The following ATP2B2 variants were observed in gnomAD, a reference collection of about 807,000 sequenced individuals.
The protein encoded by ATP2B2 is plasma membrane calcium-transporting ATPase 2.
In ATP2B2, 15 loss-of-function variants were observed where a neutral mutation model predicts 120.0. The observed-to-expected ratio is 0.12, with a 90% confidence interval of 0.08 to 0.19. The LOEUF (loss-of-function observed/expected upper bound fraction) is 0.19, where lower values mean the gene tolerates loss of function less well. Among genes scored for constraint, ATP2B2 ranks in the 10% least tolerant of loss-of-function variants. The pLI is 1.00. For synonymous variants in ATP2B2, 694 were observed against 700.3 expected, an observed-to-expected ratio of 0.99 and a Z score of 0.14; for missense variants, 1,045 against 1,719.8, an observed-to-expected ratio of 0.61 and a Z score of 6.94.
At chr3:10,421,156 G>C (rs1190343624) in intron 2 of ATP2B2, among the ~76,000 whole-genome samples, 2 of 152,218 alleles carry the variant, frequency 1.3e-5, no homozygotes, top group African/African-American at 4.8e-5. Context: ...CAGCCTGAGG[G>C]AGGAGGGTGA....
At chr3:10,339,527 A>T (rs2060217515) in intron 21 of ATP2B2, among the ~76,000 whole-genome samples, 1 of 152,100 alleles carries the variant, frequency 6.6e-6, no homozygotes, top group African/African-American at 2.4e-5. Context: ...ATGCTCTCAG[A>T]GCTGTGACAG....
rs368379708 is a variant in ATP2B2, at chr3:10,408,332, T to TTTTG, written c.397+2282_397+2285dup. Among the ~76,000 whole-genome samples, 15 of 152,182 alleles carry TTTTG rather than the reference T, an allele frequency of 9.9e-5. No homozygotes were observed. The East Asian group carries it at 1.7e-3, about 18-fold the overall frequency. ...TGAAACTGATGTCTGTCTCAGGGTTTTTTGTTTGTTTGTTTGTTTGTTTTT... is the reference window on the plus strand; with the variant it reads ...TGAAACTGATGTCTGTCTCAGGGTTTTTTGTTTGTTTGTTTGTTTGTTTGTTTTT... On this transcript the variant is annotated intron_variant, in intron 3 of 22. Transcript: ENST00000360273.
chr3:10,485,791 G>T (rs2065625522), intron 1 of ATP2B2, among the ~76,000 whole-genome samples: 1 of 152,108 alleles, frequency 6.6e-6, no homozygotes, highest in South Asian at 2.1e-4. Context: ...CTCAGGTTGG[G>T]GCTTCCTGGC....
chr3:10,504,099 C>G (rs1268114953), intron 1 of ATP2B2, among the ~76,000 whole-genome samples: 3 of 152,150 alleles, frequency 2.0e-5, no homozygotes. Context: ...TGCATATGCC[C>G]TGATGTGAAT....
intron 2 of ATP2B2, among the ~76,000 whole-genome samples, chr3:10,441,024 C>T (rs1258869743): frequency 2.6e-5 from 4 of 152,220 alleles, no homozygotes; most frequent in Non-Finnish European, 5.9e-5. Context: ...AGCATCGTGG[C>T]TAGTAACTAG....
At chr3:10,646,582 T>A (rs1048636948) in intron 1 of ATP2B2, among the ~76,000 whole-genome samples, 4 of 152,152 alleles carry the variant, frequency 2.6e-5, no homozygotes, top group Non-Finnish European at 5.9e-5. Context: ...ATCAGCTGTT[T>A]CTTCATTCAC....
intron 2 of ATP2B2, among the ~76,000 whole-genome samples, chr3:10,587,670 G>A (rs142505417): frequency 6.6e-6 from 1 of 152,184 alleles, no homozygotes; most frequent in African/African-American, 2.4e-5. Context: ...ATGAGCCACC[G>A]CGCTGGGCCT....
chr3:10,404,822 T>C (rs1428083589), intron 3 of ATP2B2, among the ~76,000 whole-genome samples: 1 of 152,200 alleles, frequency 6.6e-6, no homozygotes, highest in Non-Finnish European at 1.5e-5. Flanking sequence ...ACGCATTTTC[T>C]TGGGGCTTAG....
chr3:10,597,986 A>G (rs1305729110), intron 2 of ATP2B2, among the ~76,000 whole-genome samples: 1 of 152,196 alleles, frequency 6.6e-6, no homozygotes, highest in Non-Finnish European at 1.5e-5. Flanking sequence ...TGCTGGATTA[A>G]ACTCCAAGTT....
At position 10,488,809 on chromosome 3, in the gene ATP2B2, C is replaced by A. The variant is rs78846284; in HGVS notation, c.-320+16656G>T. ...CACACTCATTGCAGTAGCCTCCTTC[C>A]TGCTCTCCTTCCTCTCACCTCACCC... On this transcript the variant is annotated intron_variant, in intron 1 of 22. Coordinates refer to ENST00000360273, the MANE Select transcript of ATP2B2 (RefSeq NM_001001331.4). Among the ~76,000 whole-genome samples, 638 of 152,210 alleles carry A rather than the reference C, an allele frequency of 4.2e-3. 1 individual carries two copies. The highest frequency in any genetic ancestry group is 0.014 in the Middle Eastern group (4 of 294).
chr3:10,412,799 C>A (rs533095310), intron 2 of ATP2B2, among the ~76,000 whole-genome samples: 1 of 152,256 alleles, frequency 6.6e-6, no homozygotes, highest in South Asian at 2.1e-4. Context: ...GAGCCTGGCC[C>A]GAGGTGTGCA....
At position 10,328,542 on chromosome 3, in the gene ATP2B2, A is replaced by C; in HGVS notation, c.*272T>G. On this transcript the variant is annotated 3_prime_UTR_variant, in exon 23 of 23. Coordinates refer to ENST00000360273, the MANE Select transcript of ATP2B2 (RefSeq NM_001001331.4). ...CATGGCTGGTCCATGTCTGGGTGGG[A>C]GCCAGGAAGGGCTTGTTTTGGGAAA... is the stretch of plus-strand genomic sequence containing the variant. The C allele has an allele frequency of 3.7e-4, 152 of 410,568 alleles. No individual in the cohort carries two copies. The highest frequency in any genetic ancestry group is 1.3e-3 in the Middle Eastern group (2 of 1,542). 25.4% of individuals were successfully genotyped at this position (410,568 alleles called of 1,614,324 possible). A position where few individuals can be genotyped will look rare whatever the true frequency, so the allele number is the denominator to read the frequency against.
At chr3:10,456,186 A>C (rs767644441) in intron 1 of ATP2B2, among the ~76,000 whole-genome samples, 3 of 152,238 alleles carry the variant, frequency 2.0e-5, no homozygotes, top group Admixed American at 6.5e-5. Context: ...TCCCCAAACC[A>C]ACAGCTTTTC....
At chr3:10,416,644 C>T (rs974169494) in intron 2 of ATP2B2, among the ~76,000 whole-genome samples, 3 of 152,164 alleles carry the variant, frequency 2.0e-5, no homozygotes, top group Admixed American at 6.5e-5. Context: ...GACAGTGGTT[C>T]TCTTGGGGGC....
In ATP2B2 at chr3:10,522,645, G is replaced by C. The variant is rs565180199; in HGVS notation, c.-320+11394C>G. On this transcript the variant is annotated intron_variant, in intron 3 of 21. Coordinates refer to the ATP2B2 transcript ENST00000646379. ...TGTGCTGAATCCCGAACAGGAGTAGGCCTCTGAAGGACTCACATCCACACC... is the reference window on the plus strand; with the variant it reads ...TGTGCTGAATCCCGAACAGGAGTAGCCCTCTGAAGGACTCACATCCACACC... Among the ~76,000 whole-genome samples, 3 of 152,340 alleles carry C rather than the reference G, an allele frequency of 2.0e-5. No homozygotes were observed. In the South Asian group the frequency reaches 6.2e-4, roughly 32 times the overall value.
intron 2 of ATP2B2, among the ~76,000 whole-genome samples, chr3:10,569,886 G>A (rs2068086224): frequency 6.6e-6 from 1 of 152,174 alleles, no homozygotes; most frequent in South Asian, 2.1e-4. Context: ...AACACAGACT[G>A]GGATACCTAT....
chr3:10,695,709 G>A (rs1245237344), intron 1 of ATP2B2, among the ~76,000 whole-genome samples: 2 of 152,224 alleles, frequency 1.3e-5, no homozygotes, highest in African/African-American at 4.8e-5. Context: ...CTACAGACAA[G>A]TGAGAGAACC....
rs2060324395 is a variant in ATP2B2 at position 10,342,997 on chromosome 3, TGC to T, written c.2704-34_2704-33del. The T allele has an allele frequency of 6.2e-7, 1 of 1,601,506 alleles. No individual in the cohort carries two copies. The highest frequency in any genetic ancestry group is 1.3e-5 in the African/African-American group (1 of 74,646). ...ACGGGCAGGAGAGGGCTGTCACCTG[TGC>T]GCCCACCTGCTGCTGTGAAGTGCTG... On this transcript the variant is annotated intron_variant, in intron 18 of 22. Coordinates refer to ENST00000360273, the MANE Select transcript of ATP2B2 (RefSeq NM_001001331.4). This position sits in a 1 kb window ranked among gnomAD's most constrained non-coding sequence, Gnocchi z 4.4.
intron 2 of ATP2B2, among the ~76,000 whole-genome samples, chr3:10,593,966 A>G (rs1399141028): frequency 6.6e-6 from 1 of 152,282 alleles, no homozygotes; most frequent in East Asian, 1.9e-4. Context: ...ACATGAAAAA[A>G]TGCTCATCAT....
Sources: gnomAD v4.1 joint callset for allele counts (sites outside exome capture counted in the v4.1 genomes callset) on GRCh38, gnomAD v4.1.1 for gene constraint, Gnocchi (gnomAD v3.1) non-coding constraint, MANE v1.5 for transcripts, NCBI Gene and HGNC (gene_info 2026-07-23, HGNC 2026-07-21) for gene names.